Variants in ENOX1 observed in about 807,000 individuals in gnomAD.
The protein encoded by ENOX1 is ecto-NOX disulfide-thiol exchanger 1.
ENOX1 carries 42 observed loss-of-function variants against 82.5 expected under a neutral mutation model. The ratio of observed to expected loss-of-function variants is 0.51; its 90% CI spans 0.40 to 0.66. The LOEUF (loss-of-function observed/expected upper bound fraction) is 0.66, where lower values mean the gene tolerates loss of function less well. Among genes scored for constraint, ENOX1 ranks in the 30% least tolerant of loss-of-function variants. The pLI is 0.00. For synonymous variants in ENOX1, 271 were observed against 282.2 expected (o/e 0.96, Z 0.40); for missense variants, 608 against 811.6 (o/e 0.75, Z 3.05).
At chr13:43,537,898 C>T (rs931536697) in intron 2 of ENOX1, among the ~76,000 whole-genome samples, 2 of 152,202 alleles carry the variant, frequency 1.3e-5, no homozygotes, top group African/African-American at 4.8e-5. Flanking sequence ...GCCTTCTACC[C>T]GGGAGGAACA....
intron 1 of ENOX1, among the ~76,000 whole-genome samples, chr13:43,668,055 AT>A (rs1450421656): frequency 1.3e-5 from 2 of 152,140 alleles, no homozygotes; most frequent in African/African-American, 4.8e-5. Flanking sequence ...CTCTCAGGAA[AT>A]TTGTTGTTCT....
rs553737122 is a variant in ENOX1 at position 43,607,286 on chromosome 13, G to A, written c.-219+60193C>T. Among the ~76,000 whole-genome samples the A allele has an allele frequency of 6.1e-4, 92 of 151,982 alleles. 1 individual carries two copies. The South Asian group carries it at 0.019, about 32-fold the overall frequency. The stretch of plus-strand genomic sequence containing the variant: ...AAAAAATCACAGAGTATTGGATTAG[G>A]CCAAAAGTGTGCATACAGAGTTTGT... On this transcript the variant is annotated intron_variant, in intron 2 of 16. Coordinates refer to ENST00000690772, the MANE Select transcript of ENOX1 (RefSeq NM_001347969.2).
At chr13:43,465,277 G>A (rs1163781657) in intron 3 of ENOX1, among the ~76,000 whole-genome samples, 1 of 152,084 alleles carries the variant, frequency 6.6e-6, no homozygotes, top group African/African-American at 2.4e-5. Context: ...TTGTTCGATT[G>A]TTTATTTATA....
intron 2 of ENOX1, among the ~76,000 whole-genome samples, chr13:43,519,857 C>A (rs994650098): frequency 6.6e-6 from 1 of 152,178 alleles, no homozygotes. Context: ...CGTCAAGTTT[C>A]CTCTGCTCTC....
chr13:43,569,269 G>A (rs1251574482), intron 2 of ENOX1, among the ~76,000 whole-genome samples: 1 of 152,058 alleles, frequency 6.6e-6, no homozygotes, highest in Non-Finnish European at 1.5e-5. Flanking sequence ...GCTCTCTTAG[G>A]AAGCATATCA....
chr13:43,686,356 A>G (rs1238527048), intron 1 of ENOX1, among the ~76,000 whole-genome samples: 1 of 152,168 alleles, frequency 6.6e-6, no homozygotes, highest in East Asian at 1.9e-4. Flanking sequence ...TCAGTGGTCA[A>G]TGATATTTTC....
At chr13:43,599,178 A>G (rs2081597459) in intron 2 of ENOX1, among the ~76,000 whole-genome samples, 1 of 152,122 alleles carries the variant, frequency 6.6e-6, no homozygotes, top group African/African-American at 2.4e-5. Context: ...TTGGACAACT[A>G]TTCACACCCA....
At chr13:43,479,842 A>C (rs2153654829) in intron 3 of ENOX1, among the ~76,000 whole-genome samples, 1 of 152,252 alleles carries the variant, frequency 6.6e-6, no homozygotes, top group East Asian at 1.9e-4. Flanking sequence ...AGAAGGTTTG[A>C]GTCTGGTTAT....
intron 2 of ENOX1, among the ~76,000 whole-genome samples, chr13:43,597,201 G>GC (rs1213761782): frequency 6.6e-6 from 1 of 152,130 alleles, no homozygotes; most frequent in Non-Finnish European, 1.5e-5. Flanking sequence ...GGGGAAGTCT[G>GC]CCCCCATGAG....
chr13:43,500,754 T>A (rs1357839916), intron 2 of ENOX1, among the ~76,000 whole-genome samples: 2 of 151,892 alleles, frequency 1.3e-5, no homozygotes, highest in Non-Finnish European at 2.9e-5. Context: ...AAGATTAGTT[T>A]TAAGAATAAC....
At chr13:43,465,453 T>A (rs139824847) in intron 3 of ENOX1, among the ~76,000 whole-genome samples, 7 of 152,244 alleles carry the variant, frequency 4.6e-5, no homozygotes, top group Non-Finnish European at 1.0e-4. Context: ...GAGCACTTAT[T>A]TTTTTAGGGC....
chr13:43,231,456 T>G (rs1219469238), intron 15 of ENOX1, among the ~76,000 whole-genome samples: 2 of 152,254 alleles, frequency 1.3e-5, no homozygotes, highest in African/African-American at 2.4e-5. Flanking sequence ...CAAAAAAGTT[T>G]ATTCCGCTTA....
chr13:43,691,652 A>C (rs1012151357), intron 1 of ENOX1, among the ~76,000 whole-genome samples: 2 of 148,926 alleles, frequency 1.3e-5, no homozygotes, highest in East Asian at 4.0e-4. Context: ...CATTCCTACT[A>C]TATGTTTAAT....
At chr13:43,258,144 G>A (rs1051734125) in intron 14 of ENOX1, among the ~76,000 whole-genome samples, 2 of 152,216 alleles carry the variant, frequency 1.3e-5, no homozygotes, top group Non-Finnish European at 2.9e-5. Context: ...AAACTTCTCT[G>A]AGCCTTGACT....
At chr13:43,355,776 T>C in intron 8 of ENOX1, 143 bp downstream of exon 8, 1 of 861,430 alleles carries the variant, frequency 1.2e-6, no homozygotes, top group Non-Finnish European at 1.8e-6. Flanking sequence ...AAAGAGTCTG[T>C]GCTTACACCA....
intron 12 of ENOX1, among the ~76,000 whole-genome samples, chr13:43,284,715 ACTTT>A (rs1193207817): frequency 6.6e-6 from 1 of 151,734 alleles, no homozygotes; most frequent in Non-Finnish European, 1.5e-5. Flanking sequence ...GTTCAAATAT[ACTTT>A]CTTCTTTATT....
intron 3 of ENOX1, among the ~76,000 whole-genome samples, chr13:43,436,497 A>T (rs1188138399): frequency 6.6e-6 from 1 of 152,238 alleles, no homozygotes; most frequent in Non-Finnish European, 1.5e-5. Flanking sequence ...GGAGCTTTAA[A>T]TAAAGTCATG....
rs545287356 is a variant in ENOX1, at chr13:43,657,257, T to C, written c.-219+10222A>G. 5.3e-5 allele frequency among the ~76,000 whole-genome samples: 8 copies of C among 152,370 alleles called. No individual in the cohort carries two copies. The South Asian group carries it at 1.2e-3, about 24-fold the overall frequency. ...AATTTATTCATAATATAGTCTCAACTGTTACATAGGACTAGGCCCAGAGAT... is the reference window on the plus strand; with the variant it reads ...AATTTATTCATAATATAGTCTCAACCGTTACATAGGACTAGGCCCAGAGAT... On this transcript the variant is annotated intron_variant, in intron 2 of 16. Coordinates refer to ENST00000690772, the MANE Select transcript of ENOX1 (RefSeq NM_001347969.2).
chr13:43,427,583 C>T (rs922333406), intron 3 of ENOX1, among the ~76,000 whole-genome samples: 4 of 152,112 alleles, frequency 2.6e-5, no homozygotes, highest in African/African-American at 7.2e-5. Context: ...TAGTTCCATC[C>T]CTGGGGGTAG....
Sources: allele counts gnomAD v4.1 joint callset (sites outside exome capture counted in the v4.1 genomes callset), GRCh38; gene constraint gnomAD v4.1.1; transcripts MANE v1.5; gene names NCBI Gene and HGNC (gene_info 2026-07-23, HGNC 2026-07-21).